ATXN1: variants seen among roughly 807,000 people sequenced by gnomAD.
ATXN1 encodes the protein ataxin 1, also known as ataxin-1.
Under a neutral mutation model 56.4 loss-of-function variants are expected in ATXN1, and 8 were observed. That is an observed-to-expected ratio of 0.14 (90% CI 0.08 to 0.26). The LOEUF (loss-of-function observed/expected upper bound fraction) is 0.26, where lower values mean the gene tolerates loss of function less well. Ranked by LOEUF, ATXN1 falls within the 10% of genes least tolerant of loss-of-function variation. ATXN1 has a pLI of 1.00. For missense variants in ATXN1, 987 were observed against 1,106.5 expected, an observed-to-expected ratio of 0.89 and a Z score of 1.53; for synonymous variants, 514 against 494.6, an observed-to-expected ratio of 1.04 and a Z score of -0.52.
chr6:16,448,141 T>C lies in ATXN1; in HGVS notation c.-161+37831A>G, dbSNP rs549213367. Among the ~76,000 whole-genome samples, 28 of 152,338 alleles carry C rather than the reference T, an allele frequency of 1.8e-4. 1 individual carries two copies. The South Asian group carries it at 5.8e-3, about 32-fold the overall frequency. On this transcript the variant is annotated intron_variant, in intron 6 of 7. Transcript: ENST00000436367. ...GCCCTACATGATCTGACCCCAACTA[T>C]GTGAAACCCTCCTCCTCTTTTTTCC...
chr6:16,584,012 T>A (rs1581861378), intron 4 of ATXN1, among the ~76,000 whole-genome samples: 1 of 151,974 alleles, frequency 6.6e-6, no homozygotes, highest in South Asian at 2.1e-4. Flanking sequence ...TTTAAACATT[T>A]CATATATATT....
At chr6:16,341,784 A>G (rs1452063870) in intron 6 of ATXN1, among the ~76,000 whole-genome samples, 1 of 150,686 alleles carries the variant, frequency 6.6e-6, no homozygotes, top group East Asian at 1.9e-4. Flanking sequence ...CTCCCAAAGT[A>G]CTGGGATTAT....
intron 6 of ATXN1, among the ~76,000 whole-genome samples, chr6:16,468,065 C>A (rs923006197): frequency 1.3e-5 from 2 of 152,148 alleles, no homozygotes; most frequent in Non-Finnish European, 2.9e-5. Flanking sequence ...CAATAAAAAC[C>A]AGAATAATAA....
intron 2 of ATXN1, among the ~76,000 whole-genome samples, chr6:16,690,370 C>G (rs1759020584): frequency 6.6e-6 from 1 of 151,720 alleles, no homozygotes; most frequent in South Asian, 2.1e-4. Context: ...TATTCCTCCT[C>G]CACTGGCAAC....
chr6:16,513,157 G>A (rs1761114420), intron 5 of ATXN1, among the ~76,000 whole-genome samples: 2 of 152,172 alleles, frequency 1.3e-5, no homozygotes, highest in Non-Finnish European at 2.9e-5. Flanking sequence ...CCTGAGTTGA[G>A]AAGACATATT....
At position 16,727,495 on chromosome 6, in the gene ATXN1, G is replaced by A. The variant is rs946847142; in HGVS notation, c.-615+25738C>T. 5.3e-5 allele frequency among the ~76,000 whole-genome samples: 8 copies of A among 152,186 alleles called. No homozygotes were observed. The East Asian group carries it at 1.5e-3, about 29-fold the overall frequency. The stretch of plus-strand genomic sequence containing the variant: ...TTACAATGTTTCAAGAAGAAATATA[G>A]TTTTAACTCTCTTAAGTACTTATAA... On this transcript the variant is annotated intron_variant, in intron 2 of 7. Transcript: ENST00000436367.
intron 5 of ATXN1, among the ~76,000 whole-genome samples, chr6:16,516,692 T>C (rs1761190127): frequency 6.6e-6 from 1 of 152,262 alleles, no homozygotes. Flanking sequence ...TCCTGACTAA[T>C]ACAATAGCTT....
chr6:16,641,794 A>G (rs1299413997), intron 3 of ATXN1, among the ~76,000 whole-genome samples: 1 of 152,228 alleles, frequency 6.6e-6, no homozygotes. Flanking sequence ...TGGATCTGGG[A>G]AAAGTAAATT....
At chr6:16,402,135 AC>A (rs1404345713) in intron 6 of ATXN1, among the ~76,000 whole-genome samples, 2 of 151,756 alleles carry the variant, frequency 1.3e-5, no homozygotes, top group African/African-American at 4.8e-5. Context: ...GGTCCCTCCC[AC>A]ACACATGGGA....
chr6:16,417,584 G>A (rs1040423651), intron 6 of ATXN1, among the ~76,000 whole-genome samples: 5 of 151,778 alleles, frequency 3.3e-5, no homozygotes, highest in Admixed American at 2.6e-4. Context: ...GACTACAGGC[G>A]CCCACCACCA....
At chr6:16,554,683 AC>A (rs1381349459) in intron 4 of ATXN1, among the ~76,000 whole-genome samples, 1 of 151,336 alleles carries the variant, frequency 6.6e-6, no homozygotes. Flanking sequence ...CGAACTCCTG[AC>A]CTCAGGTGAT....
At chr6:16,650,459 A>T (rs1240633594) in intron 3 of ATXN1, among the ~76,000 whole-genome samples, 1 of 152,252 alleles carries the variant, frequency 6.6e-6, no homozygotes, top group East Asian at 1.9e-4. Flanking sequence ...CCCTAATATT[A>T]AAAATACCTT....
At chr6:16,323,083 T>C (rs1171802608) in intron 7 of ATXN1, among the ~76,000 whole-genome samples, 2 of 152,192 alleles carry the variant, frequency 1.3e-5, no homozygotes, top group Non-Finnish European at 1.5e-5. Context: ...AGTAGAGAGA[T>C]TTAGTGATCT....
At chr6:16,567,149 G>T (rs1762245560) in intron 4 of ATXN1, among the ~76,000 whole-genome samples, 1 of 152,126 alleles carries the variant, frequency 6.6e-6, no homozygotes, top group African/African-American at 2.4e-5. Flanking sequence ...AATTAATGAA[G>T]ATTAAACATA....
chr6:16,670,465 T>C (rs1156827861), intron 2 of ATXN1, among the ~76,000 whole-genome samples: 1 of 152,226 alleles, frequency 6.6e-6, no homozygotes, highest in African/African-American at 2.4e-5. Context: ...CTCTCTGCGA[T>C]CTTCCTCTGT....
intron 3 of ATXN1, among the ~76,000 whole-genome samples, chr6:16,642,828 C>A (rs200637162): frequency 1.3e-5 from 2 of 152,256 alleles, no homozygotes; most frequent in East Asian, 3.9e-4. Context: ...AAGGTATGTA[C>A]TTTTGTTTAG....
At chr6:16,351,405 G>T (rs1483787621) in intron 6 of ATXN1, among the ~76,000 whole-genome samples, 1 of 139,870 alleles carries the variant, frequency 7.1e-6, no homozygotes, top group East Asian at 2.1e-4. Context: ...TAATTTCAGG[G>T]TTTTTTTTTT....
intron 6 of ATXN1, among the ~76,000 whole-genome samples, chr6:16,343,781 G>T (rs1761312245): frequency 6.6e-6 from 1 of 152,122 alleles, no homozygotes; most frequent in South Asian, 2.1e-4. Context: ...ATACACCTCT[G>T]TGGCCATTAC....
chr6:16,539,013 C>T (rs1761661127), intron 4 of ATXN1, among the ~76,000 whole-genome samples: 1 of 152,086 alleles, frequency 6.6e-6, no homozygotes, highest in Admixed American at 6.6e-5. Context: ...CCTATCCTCT[C>T]CTCACTACTT....
Sources: allele counts gnomAD v4.1 joint callset (sites outside exome capture counted in the v4.1 genomes callset), GRCh38; gene constraint gnomAD v4.1.1; transcripts MANE v1.5; gene names NCBI Gene and HGNC (gene_info 2026-07-23, HGNC 2026-07-21).